Variants in CACNA1C observed in about 807,000 individuals in gnomAD.
CACNA1C encodes the protein calcium voltage-gated channel subunit alpha1 C, also known as voltage-dependent L-type calcium channel subunit alpha-1C.
CACNA1C carries 30 observed loss-of-function variants against 229.0 expected under a neutral mutation model. That is an observed-to-expected ratio of 0.13 (90% confidence interval 0.10 to 0.18). The LOEUF is 0.18. Ranked by LOEUF, CACNA1C falls within the 10% of genes least tolerant of loss-of-function variation. CACNA1C has a pLI of 1.00. For synonymous variants in CACNA1C, 1,114 were observed against 1,132.5 expected, an observed-to-expected ratio of 0.98 and a Z score of 0.33; for missense variants, 1,658 against 2,845.0, an observed-to-expected ratio of 0.58 and a Z score of 9.49.
chr12:2,179,512 C>T (rs1474218720), intron 3 of CACNA1C, among the ~76,000 whole-genome samples: 13 of 152,202 alleles, frequency 8.5e-5, no homozygotes, highest in Non-Finnish European at 1.5e-4. Context: ...GTGATTAATA[C>T]GCACCACAGA....
intron 3 of CACNA1C, among the ~76,000 whole-genome samples, chr12:2,339,198 T>C (rs989853007): frequency 1.3e-5 from 2 of 152,238 alleles, no homozygotes; most frequent in Admixed American, 6.5e-5. Flanking sequence ...CCGTACAGCA[T>C]GCCACTGTAC....
chr12:2,213,192 G>A (rs2097984172), intron 3 of CACNA1C, among the ~76,000 whole-genome samples: 1 of 152,096 alleles, frequency 6.6e-6, no homozygotes, highest in South Asian at 2.1e-4. Context: ...ACGGGCATCT[G>A]ACAGCCTGGA....
chr12:2,352,046 C>G (rs1282782500), intron 3 of CACNA1C, among the ~76,000 whole-genome samples: 1 of 152,182 alleles, frequency 6.6e-6, no homozygotes. Context: ...CAGGCTTTCA[C>G]CCAAAATGCA....
intron 29 of CACNA1C, among the ~76,000 whole-genome samples, chr12:2,620,740 A>G (rs1192860061): frequency 6.6e-6 from 1 of 152,254 alleles, no homozygotes; most frequent in Non-Finnish European, 1.5e-5. Flanking sequence ...GTGTTTCCAC[A>G]CACACATGCA....
chr12:2,597,342 GTC>G lies in CACNA1C; in HGVS notation c.2853+57_2853+58del. The G allele has an allele frequency of 6.6e-7, 1 of 1,514,192 alleles. No individual in the cohort carries two copies. The highest frequency in any genetic ancestry group is 2.3e-5 in the East Asian group (1 of 44,338). The allele number at this position is 1,514,192 out of a possible 1,614,324, so 93.8% of individuals were successfully genotyped here. ...CCTGTCCCCCTTGTGCCAGCACCAGGTCTCTGCCGCTGTCTGTCGCTAACACA... is the reference window on the plus strand; with the variant it reads ...CCTGTCCCCCTTGTGCCAGCACCAGGTCTGCCGCTGTCTGTCGCTAACACA... On this transcript the variant is annotated intron_variant, in intron 21 of 46. Transcript: ENST00000399655. This position sits in a 1 kb window ranked among gnomAD's most constrained non-coding sequence, Gnocchi z 4.3.
intron 3 of CACNA1C, among the ~76,000 whole-genome samples, chr12:2,223,174 G>A (rs2061928938): frequency 6.6e-6 from 1 of 152,204 alleles, no homozygotes; most frequent in African/African-American, 2.4e-5. Context: ...GCATCGGAAT[G>A]TCTTACTGGG....
Position 2,354,407 on chromosome 12 carries a change from G to A in CACNA1C, c.478-94569G>A, listed in dbSNP as rs948318147. ...AAGCCAAATCTTTCTTTAGAGGAGC[G>A]AAAACACAGCTAGCCAGGGCTGCAG... On this transcript the variant is annotated intron_variant, in intron 3 of 46. Transcript: ENST00000399655. The surrounding 1 kb of genome is among the most constrained non-coding windows in gnomAD (Gnocchi z 4.6). Among the ~76,000 whole-genome samples the A allele has an allele frequency of 3.3e-5, 5 of 152,126 alleles. No individual in the cohort carries two copies. The highest frequency in any genetic ancestry group is 5.9e-5 in the Non-Finnish European group (4 of 68,022).
At chr12:2,341,398 T>A (rs1395459489) in intron 3 of CACNA1C, among the ~76,000 whole-genome samples, 1 of 152,206 alleles carries the variant, frequency 6.6e-6, no homozygotes, top group African/African-American at 2.4e-5. Flanking sequence ...CCCCATGAGA[T>A]CCAATTTCCT....
chr12:2,377,258 G>A (rs887763926), intron 3 of CACNA1C, among the ~76,000 whole-genome samples: 15 of 152,080 alleles, frequency 9.9e-5, no homozygotes, highest in Admixed American at 2.6e-4. Context: ...CTCCTCTCCC[G>A]GCCCCCGTTC....
Position 2,493,493 on chromosome 12 carries a change from A to C in CACNA1C, c.1113+107A>C, listed in dbSNP as rs191622490. 72 of 786,310 alleles carry C rather than the reference A, an allele frequency of 9.2e-5. No individual in the cohort carries two copies. In the Admixed American group the frequency reaches 9.4e-4, roughly 10 times the overall value. The allele number at this position is 786,310 out of a possible 1,614,324, so 48.7% of individuals were successfully genotyped here. ...CCCATGGTCTTGGGGTCACATACGC[A>C]TCTTGATGGAATGGTTGATGAAGAG... is the stretch of plus-strand genomic sequence containing the variant. On this transcript the variant is annotated intron_variant, in intron 7 of 46. Transcript: ENST00000399655. This position sits in a 1 kb window ranked among gnomAD's most constrained non-coding sequence, Gnocchi z 4.6.
rs56198094 is a variant in CACNA1C at position 2,194,250 on chromosome 12, G to GCCT, written c.477+73845_477+73847dup. ...CTACTCCTTTTGTTCCTCCTCCACT[G>GCCT]CCTCCTCCTCCTCCTCCTCCTCCTC... is the stretch of plus-strand genomic sequence containing the variant. On this transcript the variant is annotated intron_variant, in intron 3 of 46. Transcript: ENST00000399655. Among the ~76,000 whole-genome samples the GCCT allele has an allele frequency of 3.5e-3, 468 of 133,676 alleles. 1 individual carries two copies. Among genetic ancestry groups the GCCT allele is most frequent in the African/African-American group, 0.012 (426 of 34,472 alleles). The allele number at this position is 133,676 out of a possible 152,430, so 87.7% of individuals were successfully genotyped here.
At chr12:2,418,399 G>C (rs2098938377) in intron 3 of CACNA1C, among the ~76,000 whole-genome samples, 2 of 152,220 alleles carry the variant, frequency 1.3e-5, no homozygotes, top group East Asian at 3.9e-4. Context: ...TCTGTCCTGA[G>C]AGTAGGTTTT....
intron 1 of CACNA1C, among the ~76,000 whole-genome samples, chr12:2,008,869 A>G (rs1219419438): frequency 6.6e-6 from 1 of 152,124 alleles, no homozygotes; most frequent in Non-Finnish European, 1.5e-5. Flanking sequence ...TTTCCTCCCC[A>G]CAAAGGCCTA....
At chr12:2,137,943 A>C (rs1251362976) in intron 3 of CACNA1C, among the ~76,000 whole-genome samples, 1 of 151,408 alleles carries the variant, frequency 6.6e-6, no homozygotes, top group African/African-American at 2.4e-5. Context: ...CGCCTCACAC[A>C]GGCGCCCCTG....
chr12:2,356,804 A>G (rs1014956891), intron 3 of CACNA1C, among the ~76,000 whole-genome samples: 1 of 152,162 alleles, frequency 6.6e-6, no homozygotes, highest in Admixed American at 6.5e-5. Flanking sequence ...AGTGCTCTAT[A>G]TGCATTGCTC....
intron 5 of CACNA1C, among the ~76,000 whole-genome samples, chr12:2,476,843 A>G (rs541104310): frequency 8.5e-5 from 13 of 152,360 alleles, no homozygotes; most frequent in Non-Finnish European, 1.0e-4. Context: ...GAAAATCTCT[A>G]ATGAATAAGG....
At chr12:2,393,414 G>T (rs1047748494) in intron 3 of CACNA1C, among the ~76,000 whole-genome samples, 2 of 152,198 alleles carry the variant, frequency 1.3e-5, no homozygotes, top group African/African-American at 4.8e-5. Context: ...CATTAGTGAG[G>T]CTAGAGTACA....
rs547180007 is a variant in CACNA1C at position 2,346,795 on chromosome 12, G to A, written c.478-102181G>A. 2.6e-5 allele frequency among the ~76,000 whole-genome samples: 4 copies of A among 152,326 alleles called. No homozygotes were observed. The highest frequency in any genetic ancestry group is 4.4e-5 in the Non-Finnish European group (3 of 68,038). ...GCATCCAGCTCATGATAAGCATATA[G>A]CAGCATATACACAAATACATACAAA... On this transcript the variant is annotated intron_variant, in intron 3 of 46. Coordinates refer to ENST00000399655, the MANE Select transcript of CACNA1C (RefSeq NM_000719.7). This position sits in a 1 kb window ranked among gnomAD's most constrained non-coding sequence, Gnocchi z 4.4.
chr12:2,438,731 G>A lies in CACNA1C; in HGVS notation c.478-10245G>A, dbSNP rs531107056. ...GGGAGCCATTGAAGGCTTTCGAGCAGTAAAACTCCCTAGGTGTCAATGAGC... is the reference window on the plus strand; with the variant it reads ...GGGAGCCATTGAAGGCTTTCGAGCAATAAAACTCCCTAGGTGTCAATGAGC... On this transcript the variant is annotated intron_variant, in intron 3 of 46. Transcript: ENST00000399655. 2.0e-5 allele frequency among the ~76,000 whole-genome samples: 3 copies of A among 152,164 alleles called. No individual in the cohort carries two copies. In the South Asian group the frequency reaches 6.2e-4, roughly 32 times the overall value.
Sources: allele counts gnomAD v4.1 joint callset (sites outside exome capture counted in the v4.1 genomes callset), GRCh38; gene constraint gnomAD v4.1.1; non-coding constraint Gnocchi (gnomAD v3.1); transcripts MANE v1.5; gene names NCBI Gene and HGNC (gene_info 2026-07-23, HGNC 2026-07-21).